The following TWIST2 variants were observed in gnomAD, a reference collection of about 807,000 sequenced individuals.
TWIST2 encodes the protein twist-related protein 2.
In TWIST2, 1 loss-of-function variant was observed where a neutral mutation model predicts 11.6. The observed-to-expected ratio is 0.09, with a 90% CI of 0.03 to 0.41. The LOEUF (loss-of-function observed/expected upper bound fraction) is 0.41, where lower values mean the gene tolerates loss of function less well. TWIST2 is among the 10% of genes least tolerant of loss of function. The pLI, the probability that TWIST2 is intolerant of heterozygous loss-of-function variation, is 0.98. For missense variants in TWIST2, 168 were observed against 226.4 expected, an observed-to-expected ratio of 0.74 and a Z score of 1.66; for synonymous variants, 87 against 96.6, an observed-to-expected ratio of 0.90 and a Z score of 0.58.
At chr2:238,872,232 C>T (rs1033862027) in intron 1 of TWIST2, among the ~76,000 whole-genome samples, 2 of 152,168 alleles carry the variant, frequency 1.3e-5, no homozygotes, top group African/African-American at 4.8e-5. Context: ...ACTTGTTGCT[C>T]ATTTAACCTT....
rs1335479179 is a variant in TWIST2, at chr2:238,902,376, G to C, written c.*36-7466G>C. On this transcript the variant is annotated intron_variant, in intron 1 of 1. Transcript: ENST00000612363. The stretch of plus-strand genomic sequence containing the variant: ...GTGTGAATCGGAGTATGTGGTGTAT[G>C]TATGTGTGTAGTGTGGGGTTTGTGT... 2.6e-5 allele frequency among the ~76,000 whole-genome samples: 4 copies of C among 151,368 alleles called. No homozygotes were observed. In the East Asian group the frequency reaches 7.8e-4, roughly 30 times the overall value.
chr2:238,891,158 T>C (rs1394450082), intron 1 of TWIST2, among the ~76,000 whole-genome samples: 1 of 152,230 alleles, frequency 6.6e-6, no homozygotes, highest in Non-Finnish European at 1.5e-5. Flanking sequence ...TTGCAGCCTT[T>C]TGTTAGAGTC....
intron 1 of TWIST2, among the ~76,000 whole-genome samples, chr2:238,909,049 A>ACG: frequency 6.6e-6 from 1 of 150,962 alleles, no homozygotes; most frequent in African/African-American, 2.5e-5. Context: ...TGGTTGTGGT[A>ACG]TGTGTATGTG....
intron 1 of TWIST2, among the ~76,000 whole-genome samples, chr2:238,903,541 G>T (rs1693306205): frequency 8.4e-6 from 1 of 119,074 alleles, no homozygotes; most frequent in African/African-American, 3.2e-5. Context: ...TGAGGTGTGT[G>T]TGGGTTGTGG....
chr2:238,869,696 C>T (rs1288920841), intron 1 of TWIST2, among the ~76,000 whole-genome samples: 2 of 152,212 alleles, frequency 1.3e-5, no homozygotes, highest in African/African-American at 4.8e-5. Flanking sequence ...GCAGTCCCAG[C>T]ATTCTGGGAG....
At chr2:238,905,716 C>G (rs904340187) in intron 1 of TWIST2, among the ~76,000 whole-genome samples, 86 of 152,258 alleles carry the variant, frequency 5.6e-4, no homozygotes, top group Admixed American at 2.6e-3. Context: ...GCTTTCTCTA[C>G]CCACCCCCCC....
chr2:238,893,572 C>A (rs1405042305), intron 1 of TWIST2, among the ~76,000 whole-genome samples: 2 of 152,192 alleles, frequency 1.3e-5, no homozygotes, highest in African/African-American at 2.4e-5. Context: ...TTCCTCCGCT[C>A]TCTGAGCAGA....
chr2:238,851,243 A>G (rs533101595), intron 1 of TWIST2, among the ~76,000 whole-genome samples: 12 of 152,246 alleles, frequency 7.9e-5, no homozygotes, highest in African/African-American at 2.9e-4. Context: ...GAAACGCAAG[A>G]GATGGTGGAG....
chr2:238,883,303 G>A (rs146431757), intron 1 of TWIST2, among the ~76,000 whole-genome samples: 15 of 152,304 alleles, frequency 9.8e-5, no homozygotes, highest in Non-Finnish European at 1.3e-4. Flanking sequence ...CACGAACACC[G>A]TGGGAGCCAG....
At chr2:238,875,859 C>A (rs549875125) in intron 1 of TWIST2, among the ~76,000 whole-genome samples, 1 of 152,276 alleles carries the variant, frequency 6.6e-6, no homozygotes, top group African/African-American at 2.4e-5. Flanking sequence ...CAGCTCTGTC[C>A]CGAGTGAAAG....
intron 1 of TWIST2, among the ~76,000 whole-genome samples, chr2:238,858,993 C>T (rs1692379216): frequency 1.3e-5 from 2 of 152,074 alleles, no homozygotes; most frequent in South Asian, 2.1e-4. Context: ...GGGTGGATCA[C>T]CTGAGGTCAG....
chr2:238,909,193 G>GCGTGGT, intron 1 of TWIST2, among the ~76,000 whole-genome samples: 1 of 5,412 alleles, frequency 1.8e-4, no homozygotes, highest in South Asian at 5.0e-3. Flanking sequence ...TGGTATGTTT[G>GCGTGGT]GTGTGTGTGT....
intron 1 of TWIST2, among the ~76,000 whole-genome samples, chr2:238,900,852 C>T (rs1693260843): frequency 6.6e-6 from 1 of 152,130 alleles, no homozygotes; most frequent in African/African-American, 2.4e-5. Flanking sequence ...TCTTGTTTTC[C>T]TTCCTGGAAC....
intron 1 of TWIST2, among the ~76,000 whole-genome samples, chr2:238,878,268 A>G (rs1692842460): frequency 6.6e-6 from 1 of 152,210 alleles, no homozygotes; most frequent in Admixed American, 6.5e-5. Flanking sequence ...GGGGCCCAGG[A>G]CATCAGCCAC....
Position 238,848,576 on chromosome 2 carries a change from C to A in TWIST2, c.361C>A (p.Leu121Met). 6.3e-7 allele frequency: 1 copy of A among 1,580,232 alleles called. No individual in the cohort carries two copies. ...ARYIDFLYQV[L>M]QSDEMDNKMT... ...GTACATAGACTTCCTCTACCAGGTC[C>A]TGCAGAGCGACGAGATGGACAATAA... is the stretch of plus-strand genomic sequence containing the variant. Residue 121 changes from leucine to methionine, a missense_variant, in exon 1 of 2, where the codon CTG (leucine) becomes ATG (methionine). Physicochemically the swap from Leu to Met is conservative, Grantham distance 15. Transcript: ENST00000612363.
intron 1 of TWIST2, among the ~76,000 whole-genome samples, chr2:238,902,558 TGTG>T (rs1191898274): frequency 6.8e-6 from 1 of 147,380 alleles, no homozygotes; most frequent in Non-Finnish European, 1.5e-5. Flanking sequence ...GTGTGTGCGA[TGTG>T]GGGTTGTGTA....
chr2:238,850,852 A>G (rs1692229887), intron 1 of TWIST2, among the ~76,000 whole-genome samples: 1 of 152,224 alleles, frequency 6.6e-6, no homozygotes, highest in African/African-American at 2.4e-5. Flanking sequence ...AGTTTCATTA[A>G]ATAGATACTC....
rs1369913235 is a variant in TWIST2, at chr2:238,863,905, A to T, written c.*35+15172A>T. Among the ~76,000 whole-genome samples, 4 of 152,104 alleles carry T rather than the reference A, an allele frequency of 2.6e-5. No homozygotes were observed. The highest frequency in any genetic ancestry group is 1.3e-4 in the Admixed American group (2 of 15,270). ...CGGCCGTAGAGTAGGTCTACCCCCT[A>T]TCCTGGGGGCATCCCTGTGTGCCAG... On this transcript the variant is annotated intron_variant, in intron 1 of 1. Coordinates refer to ENST00000612363, the MANE Select transcript of TWIST2 (RefSeq NM_001271893.4). This position sits in a 1 kb window ranked among gnomAD's most constrained non-coding sequence, Gnocchi z 4.7.
intron 1 of TWIST2, among the ~76,000 whole-genome samples, chr2:238,900,678 T>C (rs888714973): frequency 3.2e-4 from 48 of 152,268 alleles, no homozygotes; most frequent in Middle Eastern, 3.4e-3. Flanking sequence ...CCCTGCTCTT[T>C]CCACCAACAC....
Sources: gnomAD v4.1 joint callset for allele counts (sites outside exome capture counted in the v4.1 genomes callset) on GRCh38, gnomAD v4.1.1 for gene constraint, Gnocchi (gnomAD v3.1) non-coding constraint, MANE v1.5 for transcripts, NCBI Gene and HGNC (gene_info 2026-07-23, HGNC 2026-07-21) for gene names.